Variants in NCALD observed in about 807,000 individuals in gnomAD.
NCALD encodes neurocalcin delta.
In NCALD, 10 loss-of-function variants were observed where a neutral mutation model predicts 18.6. That is an observed-to-expected ratio of 0.54 (90% CI 0.33 to 0.91). The LOEUF (loss-of-function observed/expected upper bound fraction) is 0.91. Among genes scored for constraint, NCALD ranks in the 40% least tolerant of loss-of-function variants. NCALD has a pLI of 0.03. For synonymous variants in NCALD, 88 were observed against 87.4 expected (o/e 1.01, Z -0.04); for missense variants, 184 against 247.6 (o/e 0.74, Z 1.72).
intron 4 of NCALD, among the ~76,000 whole-genome samples, chr8:101,866,285 C>T (rs1332882829): frequency 2.0e-5 from 3 of 152,188 alleles, no homozygotes; most frequent in African/African-American, 7.2e-5. Context: ...CCCCCTCATC[C>T]TCCTGATCTC....
At position 101,719,601 on chromosome 8, in the gene NCALD, G is replaced by A. The variant is rs557249068; in HGVS notation, c.29C>T (p.Pro10Leu). 20 of 1,598,064 alleles carry A rather than the reference G, an allele frequency of 1.3e-5. No individual in the cohort carries two copies. Among genetic ancestry groups the A allele is most frequent in the East Asian group, 4.5e-5 (2 of 44,742 alleles). The change falls in exon 2 of 4, where the codon CCG (proline) becomes CTG (leucine). Residue 10 changes from proline to leucine, a missense_variant. Transcript: ENST00000220931. ...TTCCAGCAAGTCCTGCATGACCTCC[G>A]GGCGCAGCTTGCTGTTCTGTTTCCC... The part of the protein sequence containing the change: MGKQNSKLR[P>L]EVMQDLLEST...
intron 4 of NCALD, among the ~76,000 whole-genome samples, chr8:101,883,221 A>G (rs1036849198): frequency 1.3e-5 from 2 of 152,162 alleles, no homozygotes; most frequent in Non-Finnish European, 2.9e-5. Context: ...AAAAAATACA[A>G]AAATTAGCTG....
At chr8:101,809,103 T>G (rs1400312201) in intron 4 of NCALD, among the ~76,000 whole-genome samples, 1 of 152,200 alleles carries the variant, frequency 6.6e-6, no homozygotes, top group Admixed American at 6.6e-5. Context: ...TAGAAGTGCG[T>G]TCTAAAAGCA....
chr8:101,818,279 G>T (rs917620754), intron 4 of NCALD, among the ~76,000 whole-genome samples: 1 of 152,008 alleles, frequency 6.6e-6, no homozygotes, highest in Non-Finnish European at 1.5e-5. Context: ...TAATATTTAG[G>T]TAGCGATTTC....
In NCALD at chr8:101,845,582, G is replaced by T. The variant is rs188361437; in HGVS notation, c.-20+41559C>A. On this transcript the variant is annotated intron_variant, in intron 4 of 6. Coordinates refer to the NCALD transcript ENST00000311028. ...AACTGTACATATTTATGGGGTCCAG[G>T]TAATATTTTGATACAGGCATACAAC... Among the ~76,000 whole-genome samples, 580 of 152,212 alleles carry T rather than the reference G, an allele frequency of 3.8e-3. 4 individuals carry two copies. Among genetic ancestry groups the T allele is most frequent in the Non-Finnish European group, 6.1e-3 (418 of 67,990 alleles).
At chr8:102,008,078 G>C (rs1397708148) in intron 2 of NCALD, among the ~76,000 whole-genome samples, 5 of 152,210 alleles carry the variant, frequency 3.3e-5, no homozygotes, top group African/African-American at 4.8e-5. Flanking sequence ...TTTGGCATGT[G>C]TAAGAGGTGG....
rs141696733 is a variant in NCALD, at chr8:101,940,065, T to C, written c.-156-24207A>G. 4.0e-3 allele frequency among the ~76,000 whole-genome samples: 602 copies of C among 152,382 alleles called. 1 individual carries two copies. The highest frequency in any genetic ancestry group is 6.6e-3 in the Non-Finnish European group (451 of 68,038). On this transcript the variant is annotated intron_variant, in intron 2 of 6. Transcript: ENST00000311028. ...TATTCCTATTTGTTTTTATCATGTA[T>C]GTTCTTTTCAAGGTTAAAGTTGTAC...
At chr8:101,742,363 T>C (rs1376554394) in intron 1 of NCALD, among the ~76,000 whole-genome samples, 1 of 152,228 alleles carries the variant, frequency 6.6e-6, no homozygotes, top group Non-Finnish European at 1.5e-5. Context: ...TAGTTTTCTC[T>C]TTCCATTCAT....
intron 1 of NCALD, among the ~76,000 whole-genome samples, chr8:101,723,664 T>C (rs1041438215): frequency 1.3e-5 from 2 of 152,218 alleles, no homozygotes; most frequent in African/African-American, 2.4e-5. Flanking sequence ...TCAATATTTC[T>C]ACATAGCACA....
intron 4 of NCALD, among the ~76,000 whole-genome samples, chr8:101,823,203 C>T (rs28630444): frequency 3.9e-5 from 6 of 152,238 alleles, no homozygotes; most frequent in Non-Finnish European, 1.5e-5. Context: ...TTAAAAATAT[C>T]GTGAGCATGT....
At chr8:101,779,804 C>CT (rs1811941686) in intron 1 of NCALD, 1 of 152,030 alleles carries the variant, frequency 6.6e-6, no homozygotes, top group African/African-American at 2.4e-5. Flanking sequence ...GCTTTATTAA[C>CT]TAAAAATATA....
intron 3 of NCALD, among the ~76,000 whole-genome samples, chr8:101,906,477 C>T (rs1817615723): frequency 6.6e-6 from 1 of 152,170 alleles, no homozygotes; most frequent in Non-Finnish European, 1.5e-5. Context: ...ACAGAAACGG[C>T]CATGGTTGAC....
chr8:102,092,228 G>A (rs1359991846), intron 1 of NCALD, among the ~76,000 whole-genome samples: 1 of 152,226 alleles, frequency 6.6e-6, no homozygotes, highest in African/African-American at 2.4e-5. Context: ...GGCAACATCA[G>A]GAACTTACTC....
At chr8:102,112,618 A>C (rs1034212067) in intron 1 of NCALD, among the ~76,000 whole-genome samples, 2 of 152,236 alleles carry the variant, frequency 1.3e-5, no homozygotes, top group African/African-American at 4.8e-5. Flanking sequence ...AACTACAGGA[A>C]GGAAGCTGCT....
At chr8:101,953,016 T>G (rs1470402379) in intron 2 of NCALD, among the ~76,000 whole-genome samples, 1 of 151,882 alleles carries the variant, frequency 6.6e-6, no homozygotes, top group Admixed American at 6.6e-5. Flanking sequence ...GGAGTTTGGG[T>G]GGCTGCACAT....
Position 101,719,313 on chromosome 8 carries a change from C to G in NCALD, c.317G>C (p.Ser106Thr). Reference sequence around the variant, plus strand: ...GCCATTTCCGTCCAGGTCGTACATGCTGAAGGCCCATTTCAGCTTCTGCTC... The same window carrying G: ...GCCATTTCCGTCCAGGTCGTACATGGTGAAGGCCCATTTCAGCTTCTGCTC... ...KLEQKLKWAF[S>T]MYDLDGNGYI... Residue 106 changes from serine to threonine, a missense_variant, in exon 2 of 4, where the codon AGC becomes ACC. Coordinates refer to ENST00000220931, the MANE Select transcript of NCALD (RefSeq NM_032041.3). The G allele has an allele frequency of 6.2e-7, 1 of 1,614,212 alleles. No homozygotes were observed. Among genetic ancestry groups the G allele is most frequent in the Non-Finnish European group, 8.5e-7 (1 of 1,180,038 alleles).
chr8:101,862,852 C>A (rs993359775), intron 4 of NCALD, among the ~76,000 whole-genome samples: 1 of 152,188 alleles, frequency 6.6e-6, no homozygotes, highest in African/African-American at 2.4e-5. Flanking sequence ...TTTAAAAAGG[C>A]ATTATTAATA....
chr8:101,894,800 G>A (rs199566829), intron 3 of NCALD, among the ~76,000 whole-genome samples: 3,243 of 142,948 alleles, frequency 0.023, 99 homozygotes, highest in African/African-American at 0.06. Flanking sequence ...ACACTCTCCC[G>A]AGACTAAACC....
intron 1 of NCALD, among the ~76,000 whole-genome samples, chr8:102,073,433 T>C (rs115210405): frequency 5.4e-4 from 82 of 152,182 alleles, no homozygotes; most frequent in African/African-American, 1.9e-3. Context: ...GATGAGAATA[T>C]AGAGATAGAG....
Sources: gnomAD v4.1 joint callset for allele counts (sites outside exome capture counted in the v4.1 genomes callset) on GRCh38, gnomAD v4.1.1 for gene constraint, MANE v1.5 for transcripts, NCBI Gene and HGNC (gene_info 2026-07-23, HGNC 2026-07-21) for gene names.